SLC24A2: variants seen among roughly 807,000 people sequenced by gnomAD.
SLC24A2 encodes the protein solute carrier family 24 member 2.
Under a neutral mutation model 62.0 loss-of-function variants are expected in SLC24A2, and 36 were observed. That is an observed-to-expected ratio of 0.58 (90% CI 0.44 to 0.77). The LOEUF is 0.77. Ranked by LOEUF, SLC24A2 falls within the 30% of genes least tolerant of loss-of-function variation. The probability of loss-of-function intolerance (pLI) is 0.00; values close to 1 mark genes in which losing one functional copy is unlikely to be tolerated. For synonymous variants in SLC24A2, 358 were observed against 294.0 expected, an observed-to-expected ratio of 1.22 and a Z score of -2.23; for missense variants, 846 against 817.9, an observed-to-expected ratio of 1.03 and a Z score of -0.42.
chr9:19,577,798 C>T (rs941467142), intron 5 of SLC24A2, among the ~76,000 whole-genome samples: 2 of 149,904 alleles, frequency 1.3e-5, no homozygotes, highest in Admixed American at 6.7e-5. Context: ...GGCCATCAAT[C>T]AACGAGTGGA....
the SLC24A2 span, among the ~76,000 whole-genome samples, chr9:20,159,751 C>G: frequency 2.0e-5 from 3 of 151,150 alleles, no homozygotes; most frequent in African/African-American, 7.3e-5. Context: ...CTAAAGACAA[C>G]AAAAAGCAGA....
the SLC24A2 span, among the ~76,000 whole-genome samples, chr9:20,239,587 G>A: frequency 6.6e-6 from 1 of 152,196 alleles, no homozygotes; most frequent in East Asian, 1.9e-4. Flanking sequence ...CCAGGTCTAA[G>A]GGCAATATTG....
At chr9:19,822,624 C>G in the SLC24A2 span, among the ~76,000 whole-genome samples, 2 of 152,120 alleles carry the variant, frequency 1.3e-5, no homozygotes, top group African/African-American at 2.4e-5. Context: ...GGGAAAATAT[C>G]AGGCCTGATT....
the SLC24A2 span, among the ~76,000 whole-genome samples, chr9:20,212,559 A>G: frequency 6.6e-6 from 1 of 151,742 alleles, no homozygotes. Flanking sequence ...GCATATGTCC[A>G]TCTATACTAT....
chr9:19,828,931 T>C, the SLC24A2 span, among the ~76,000 whole-genome samples: 1 of 152,004 alleles, frequency 6.6e-6, no homozygotes, highest in African/African-American at 2.4e-5. Context: ...TTTTAACAAG[T>C]TCAGCAAATC....
At chr9:20,004,940 T>A in the SLC24A2 span, among the ~76,000 whole-genome samples, 2 of 152,230 alleles carry the variant, frequency 1.3e-5, no homozygotes, top group East Asian at 3.9e-4. Flanking sequence ...GTTTTCTTTA[T>A]CCTTGAAGTA....
At chr9:19,598,486 C>T (rs79657143) in intron 4 of SLC24A2, among the ~76,000 whole-genome samples, 2,242 of 152,048 alleles carry the variant, frequency 0.015, 56 homozygotes, top group African/African-American at 0.052. Context: ...TGTTTTAATA[C>T]GCCAGCACAA....
the SLC24A2 span, among the ~76,000 whole-genome samples, chr9:20,182,034 T>C: frequency 2.6e-5 from 4 of 152,164 alleles, no homozygotes; most frequent in East Asian, 3.9e-4. Flanking sequence ...AAAATGCTCA[T>C]CATCACTGGT....
chr9:20,282,299 T>C, the SLC24A2 span, among the ~76,000 whole-genome samples: 5 of 152,180 alleles, frequency 3.3e-5, no homozygotes, highest in Admixed American at 2.6e-4. Context: ...TTCCATGGTT[T>C]GTGTAAAAGA....
chr9:20,258,592 G>A, the SLC24A2 span, among the ~76,000 whole-genome samples: 25 of 152,302 alleles, frequency 1.6e-4, no homozygotes, highest in African/African-American at 6.0e-4. Flanking sequence ...TTTGGGCTCT[G>A]GGACTCATAC....
the SLC24A2 span, among the ~76,000 whole-genome samples, chr9:19,988,056 T>C: frequency 1.3e-5 from 2 of 152,194 alleles, no homozygotes; most frequent in Non-Finnish European, 2.9e-5. Flanking sequence ...TAGTTCCTTA[T>C]TCACATCTGG....
chr9:19,905,264 G>A, the SLC24A2 span, among the ~76,000 whole-genome samples: 1 of 152,140 alleles, frequency 6.6e-6, no homozygotes. Flanking sequence ...GGCCCATTAG[G>A]CATAACCTCC....
chr9:19,729,891 A>G (rs112424929), intron 2 of SLC24A2, among the ~76,000 whole-genome samples: 5 of 152,292 alleles, frequency 3.3e-5, no homozygotes, highest in African/African-American at 1.2e-4. Context: ...ACACAAAAAA[A>G]TAATACATGT....
At chr9:20,208,394 T>C in the SLC24A2 span, among the ~76,000 whole-genome samples, 3 of 152,196 alleles carry the variant, frequency 2.0e-5, no homozygotes, top group Non-Finnish European at 2.9e-5. Context: ...GTGCTTCATT[T>C]TCCTCTTCTG....
intron 2 of SLC24A2, among the ~76,000 whole-genome samples, chr9:19,678,869 T>A (rs1316039322): frequency 6.6e-6 from 1 of 152,158 alleles, no homozygotes; most frequent in Non-Finnish European, 1.5e-5. Context: ...AAAAAATCAA[T>A]TGTGTAAAAT....
intron 2 of SLC24A2, among the ~76,000 whole-genome samples, chr9:19,771,961 G>A (rs764277068): frequency 1.3e-5 from 2 of 152,186 alleles, no homozygotes; most frequent in African/African-American, 2.4e-5. Flanking sequence ...TAACCAAGAT[G>A]TATAAAGCTA....
rs758669345 is a variant in SLC24A2 at position 19,576,930 on chromosome 9, G to A, written c.1222C>T (p.His408Tyr). 1.2e-6 allele frequency: 2 copies of A among 1,612,126 alleles called. No homozygotes were observed. The highest frequency in any genetic ancestry group is 1.3e-5 in the African/African-American group (1 of 75,016). ...ENERQNGAAN[H>Y]VEKIELPNST... ...GATGTTTCCCTGCACTCACCCACGT[G>A]GTTGGCAGCCCCATTCTGCCTCTCG... The change falls in exon 6 of 11, where the codon CAC becomes TAC. Residue 408 changes from histidine (H) to tyrosine (Y), a missense_variant. Transcript: ENST00000341998.
chr9:19,859,806 C>A, the SLC24A2 span, among the ~76,000 whole-genome samples: 1 of 152,124 alleles, frequency 6.6e-6, no homozygotes, highest in African/African-American at 2.4e-5. Context: ...GAGCCAGCAA[C>A]TGTAAGACAT....
intron 2 of SLC24A2, among the ~76,000 whole-genome samples, chr9:19,728,850 T>C (rs1232140696): frequency 6.6e-6 from 1 of 152,158 alleles, no homozygotes; most frequent in Non-Finnish European, 1.5e-5. Context: ...TTTATTTGTT[T>C]GCATTGAGGC....
Sources: allele counts gnomAD v4.1 joint callset (sites outside exome capture counted in the v4.1 genomes callset), GRCh38; gene constraint gnomAD v4.1.1; transcripts MANE v1.5; gene names NCBI Gene and HGNC (gene_info 2026-07-23, HGNC 2026-07-21).